DPP6: variants seen among roughly 807,000 people sequenced by gnomAD.
DPP6 encodes the protein A-type potassium channel modulatory protein DPP6.
A neutral mutation model predicts 122.6 loss-of-function variants in DPP6; 69 were observed. That is an observed-to-expected ratio of 0.56 (90% CI 0.46 to 0.69). The LOEUF (loss-of-function observed/expected upper bound fraction) is 0.69. DPP6 is among the 30% of genes least tolerant of loss of function. The pLI is 0.00. For synonymous variants in DPP6, 418 were observed against 433.1 expected (o/e 0.97, Z 0.43); for missense variants, 928 against 1,116.9 (o/e 0.83, Z 2.41).
In DPP6 at chr7:154,281,808, A is replaced by G. The variant is rs535470283; in HGVS notation, c.244-164406A>G. Among the ~76,000 whole-genome samples the G allele has an allele frequency of 1.4e-4, 22 of 152,286 alleles. 1 individual carries two copies. The highest frequency in any genetic ancestry group is 4.4e-5 in the Non-Finnish European group (3 of 68,030). On this transcript the variant is annotated intron_variant, in intron 1 of 25. Transcript: ENST00000377770. ...CCAGTAGCCTCTTCTTTATGGTCAT[A>G]CCACATATTTAGAATTTGAACTTTC... is the stretch of plus-strand genomic sequence containing the variant.
intron 1 of DPP6, among the ~76,000 whole-genome samples, chr7:154,172,013 T>G (rs1438938226): frequency 6.6e-6 from 1 of 152,152 alleles, no homozygotes; most frequent in African/African-American, 2.4e-5. Context: ...AGAGAGGTGA[T>G]CTGACACAAG....
At chr7:153,983,781 T>C (rs980769177) in intron 1 of DPP6, among the ~76,000 whole-genome samples, 1 of 152,202 alleles carries the variant, frequency 6.6e-6, no homozygotes, top group South Asian at 2.1e-4. Context: ...CCCTCATGGC[T>C]TCCCTTGGCC....
At chr7:154,053,662 A>T (rs1011185713) in intron 1 of DPP6, among the ~76,000 whole-genome samples, 3 of 151,928 alleles carry the variant, frequency 2.0e-5, no homozygotes, top group African/African-American at 7.3e-5. Flanking sequence ...AAATACTGGC[A>T]TCTGAGCCCC....
chr7:153,780,790 G>A, the DPP6 span, among the ~76,000 whole-genome samples: 49 of 152,134 alleles, frequency 3.2e-4, no homozygotes, highest in African/African-American at 1.2e-3. Context: ...GCCAGAACGT[G>A]TTTTTTATCC....
At chr7:154,055,105 T>TTTC (rs879421157) in intron 1 of DPP6, among the ~76,000 whole-genome samples, 3 of 149,526 alleles carry the variant, frequency 2.0e-5, no homozygotes, top group Non-Finnish European at 3.0e-5. Context: ...TTTTTTTTTT[T>TTTC]CTGGAAAATA....
At chr7:153,878,286 G>A in the DPP6 span, among the ~76,000 whole-genome samples, 1 of 151,734 alleles carries the variant, frequency 6.6e-6, no homozygotes, top group African/African-American at 2.4e-5. Context: ...CAAGTTTCTA[G>A]ATATATAGCC....
intron 4 of DPP6, among the ~76,000 whole-genome samples, chr7:154,545,844 G>A (rs1040288747): frequency 1.3e-5 from 2 of 152,196 alleles, no homozygotes; most frequent in Admixed American, 6.5e-5. Context: ...ATGAGTCACT[G>A]TATTGACCTG....
intron 1 of DPP6, among the ~76,000 whole-genome samples, chr7:154,008,686 G>A (rs1208705174): frequency 1.4e-5 from 2 of 142,680 alleles, no homozygotes; most frequent in Non-Finnish European, 3.0e-5. Context: ...TTTTGAGACG[G>A]AGTCTCGCTC....
At chr7:154,253,356 G>T (rs1333062930) in intron 1 of DPP6, among the ~76,000 whole-genome samples, 3 of 152,178 alleles carry the variant, frequency 2.0e-5, no homozygotes, top group East Asian at 3.9e-4. Flanking sequence ...CAGGTGTGGG[G>T]GGTGAGGGGA....
intron 5 of DPP6, among the ~76,000 whole-genome samples, chr7:154,590,017 G>A (rs1275762559): frequency 6.6e-6 from 1 of 152,192 alleles, no homozygotes; most frequent in African/African-American, 2.4e-5. Flanking sequence ...TTTTATGACT[G>A]TGGATGGGAA....
chr7:153,855,301 G>A, the DPP6 span, among the ~76,000 whole-genome samples: 1 of 151,592 alleles, frequency 6.6e-6, no homozygotes, highest in Admixed American at 6.6e-5. Context: ...ATATTATTTT[G>A]TTTATTAAGT....
At chr7:154,019,349 TTTC>T (rs1309355001) in intron 1 of DPP6, among the ~76,000 whole-genome samples, 4 of 152,116 alleles carry the variant, frequency 2.6e-5, no homozygotes, top group Non-Finnish European at 5.9e-5. Context: ...TCCTTTTTCT[TTTC>T]TTTTCTCTTT....
intron 1 of DPP6, among the ~76,000 whole-genome samples, chr7:153,987,636 C>A (rs1383094743): frequency 1.3e-5 from 2 of 151,854 alleles, no homozygotes; most frequent in Middle Eastern, 3.2e-3. Flanking sequence ...GTAGGAGCAG[C>A]GTGAGGTAGA....
intron 7 of DPP6, among the ~76,000 whole-genome samples, chr7:154,697,393 C>T (rs1195790609): frequency 6.6e-6 from 1 of 152,214 alleles, no homozygotes; most frequent in Admixed American, 6.5e-5. Flanking sequence ...CCATGTAGGC[C>T]TCCAGAGCCA....
chr7:154,168,215 C>G (rs956714574), intron 1 of DPP6, among the ~76,000 whole-genome samples: 8 of 152,172 alleles, frequency 5.3e-5, no homozygotes, highest in African/African-American at 1.4e-4. Flanking sequence ...GAAGCCCAGA[C>G]AGACGAGAGG....
At chr7:154,592,645 A>T (rs1159427876) in intron 5 of DPP6, among the ~76,000 whole-genome samples, 3 of 151,150 alleles carry the variant, frequency 2.0e-5, no homozygotes, top group Admixed American at 2.0e-4. Context: ...CAGGGACGGC[A>T]TGGAAGCAGT....
intron 8 of DPP6, 59 bp downstream of exon 8, chr7:154,727,946 G>A: frequency 2.7e-6 from 4 of 1,497,934 alleles, no homozygotes; most frequent in East Asian, 2.4e-5. Context: ...TGCTACATTG[G>A]AGTTGGGTTC....
At chr7:153,854,181 C>T in the DPP6 span, among the ~76,000 whole-genome samples, 1 of 150,956 alleles carries the variant, frequency 6.6e-6, no homozygotes, top group Non-Finnish European at 1.5e-5. Flanking sequence ...TTTCTGAGGG[C>T]TCTGTTCTGT....
chr7:153,889,170 A>G (rs867992582), intron 1 of DPP6, among the ~76,000 whole-genome samples: 24 of 152,050 alleles, frequency 1.6e-4, no homozygotes, highest in African/African-American at 5.6e-4. Flanking sequence ...CCGAGACGAC[A>G]AGCCCCCATC....
Sources: allele counts gnomAD v4.1 joint callset (sites outside exome capture counted in the v4.1 genomes callset), GRCh38; gene constraint gnomAD v4.1.1; transcripts MANE v1.5; gene names NCBI Gene and HGNC (gene_info 2026-07-23, HGNC 2026-07-21).